Variants in PDE1C observed in about 807,000 individuals in gnomAD.
The protein encoded by PDE1C is phosphodiesterase 1C, also known as dual specificity calcium/calmodulin-dependent 3',5'-cyclic nucleotide phosphodiesterase 1C.
PDE1C carries 62 observed loss-of-function variants against 93.1 expected under a neutral mutation model. That is an observed-to-expected ratio of 0.67 (90% confidence interval 0.54 to 0.82). The LOEUF (loss-of-function observed/expected upper bound fraction) is 0.82. Ranked by LOEUF, PDE1C falls within the 40% of genes least tolerant of loss-of-function variation. The probability of loss-of-function intolerance (pLI) is 0.00; values close to 1 mark genes in which losing one functional copy is unlikely to be tolerated. For synonymous variants in PDE1C, 325 were observed against 310.1 expected, an observed-to-expected ratio of 1.05 and a Z score of -0.50; for missense variants, 742 against 884.6, an observed-to-expected ratio of 0.84 and a Z score of 2.04.
intron 3 of PDE1C, among the ~76,000 whole-genome samples, chr7:32,121,102 G>A (rs1799275976): frequency 6.6e-6 from 1 of 152,100 alleles, no homozygotes; most frequent in East Asian, 1.9e-4. Flanking sequence ...ATCAATAGCT[G>A]AATCAATCAA....
At chr7:31,683,609 C>G in the PDE1C span, among the ~76,000 whole-genome samples, 1 of 152,096 alleles carries the variant, frequency 6.6e-6, no homozygotes, top group South Asian at 2.1e-4. Flanking sequence ...AGACAACCAA[C>G]GAGATCCAGC....
At chr7:32,223,118 A>G (rs1806995815) in intron 1 of PDE1C, among the ~76,000 whole-genome samples, 1 of 152,156 alleles carries the variant, frequency 6.6e-6, no homozygotes, top group Non-Finnish European at 1.5e-5. Context: ...TGTTTCTCCT[A>G]GTGTTCAAAT....
chr7:32,327,993 T>C (rs1783438451), intron 1 of PDE1C, among the ~76,000 whole-genome samples: 1 of 152,216 alleles, frequency 6.6e-6, no homozygotes. Context: ...GTGTTATGAA[T>C]AGGCTGCTAT....
the PDE1C span, among the ~76,000 whole-genome samples, chr7:31,637,747 C>G: frequency 1.3e-5 from 2 of 152,144 alleles, no homozygotes; most frequent in African/African-American, 4.8e-5. Flanking sequence ...TTGATTAGAT[C>G]CCATTTGTCA....
chr7:31,876,406 T>C (rs991329833), intron 5 of PDE1C, among the ~76,000 whole-genome samples: 2 of 152,198 alleles, frequency 1.3e-5, no homozygotes, highest in Non-Finnish European at 2.9e-5. Flanking sequence ...TAACAATTCA[T>C]GCACATCACA....
Position 32,150,910 on chromosome 7 carries a change from T to G in PDE1C, c.308+18875A>C, listed in dbSNP as rs558104926. ...CATGCAATGTAACTCTGAGTATTTCTGTTCTATACCTGAGAACTAATGCTG... is the reference window on the plus strand; with the variant it reads ...CATGCAATGTAACTCTGAGTATTTCGGTTCTATACCTGAGAACTAATGCTG... On this transcript the variant is annotated intron_variant, in intron 3 of 18. Transcript: ENST00000396193. 2.6e-5 allele frequency among the ~76,000 whole-genome samples: 4 copies of G among 152,274 alleles called. No homozygotes were observed. The East Asian group carries it at 7.7e-4, about 29-fold the overall frequency.
At chr7:31,737,694 C>CGGGA in the PDE1C span, among the ~76,000 whole-genome samples, 7 of 149,148 alleles carry the variant, frequency 4.7e-5, no homozygotes, top group East Asian at 1.2e-3. Context: ...CCCAGCTACT[C>CGGGA]GGGAGGCCAA....
At chr7:32,025,292 C>T (rs1028498743) in intron 2 of PDE1C, among the ~76,000 whole-genome samples, 1 of 151,996 alleles carries the variant, frequency 6.6e-6, no homozygotes, top group African/African-American at 2.4e-5. Context: ...AGCGAGAGGT[C>T]CAACAGAGAG....
intron 17 of PDE1C, among the ~76,000 whole-genome samples, chr7:31,769,762 A>C (rs896897118): frequency 6.6e-5 from 10 of 151,626 alleles, no homozygotes; most frequent in Non-Finnish European, 1.2e-4. Context: ...GTCACTCTCC[A>C]CTCTCTTTTC....
At chr7:32,046,839 T>C (rs1039867210) in intron 2 of PDE1C, among the ~76,000 whole-genome samples, 11 of 152,302 alleles carry the variant, frequency 7.2e-5, no homozygotes, top group African/African-American at 2.6e-4. Context: ...AAAATGTTCA[T>C]GCTAATGAGG....
intron 1 of PDE1C, among the ~76,000 whole-genome samples, chr7:32,412,166 C>A (rs894530073): frequency 6.6e-6 from 1 of 152,020 alleles, no homozygotes; most frequent in Admixed American, 6.6e-5. Context: ...GAAAGCAGAC[C>A]AAATACGGCT....
intron 1 of PDE1C, among the ~76,000 whole-genome samples, chr7:32,229,570 C>A (rs1463861177): frequency 6.6e-6 from 1 of 152,198 alleles, no homozygotes; most frequent in East Asian, 1.9e-4. Flanking sequence ...TAATTTCAAG[C>A]ATGTTCATAT....
chr7:31,834,058 C>T (rs921905663), intron 11 of PDE1C, among the ~76,000 whole-genome samples: 1 of 152,202 alleles, frequency 6.6e-6, no homozygotes, highest in Non-Finnish European at 1.5e-5. Context: ...CAGCTCAGGC[C>T]ATGGCTTCAG....
At chr7:31,755,885 G>C (rs760978405) in intron 17 of PDE1C, among the ~76,000 whole-genome samples, 30 of 152,168 alleles carry the variant, frequency 2.0e-4, no homozygotes, top group Non-Finnish European at 3.5e-4. Flanking sequence ...TATGAGACAG[G>C]CTTGGCACGG....
chr7:32,186,087 GTTTTT>G (rs10561469), intron 2 of PDE1C, among the ~76,000 whole-genome samples: 11,237 of 128,672 alleles, frequency 0.087, 677 homozygotes, highest in East Asian at 0.33. Context: ...TTGTTTTTTT[GTTTTT>G]TTTTTTTTTT....
intron 16 of PDE1C, among the ~76,000 whole-genome samples, chr7:31,793,691 A>T (rs182614146): frequency 0.021 from 2,867 of 138,966 alleles, 50 homozygotes; most frequent in East Asian, 0.12. Context: ...TTTTTTTTTT[A>T]AATAAGAAGA....
At chr7:31,642,638 T>C in the PDE1C span, 10 of 1,560,406 alleles carry the variant, frequency 6.4e-6, no homozygotes, top group Non-Finnish European at 8.7e-6. Context: ...TATTGCCTCC[T>C]CCACTTCCTG....
intron 1 of PDE1C, among the ~76,000 whole-genome samples, chr7:32,305,316 C>T (rs879489355): frequency 5.3e-5 from 8 of 152,210 alleles, no homozygotes; most frequent in Admixed American, 5.2e-4. Context: ...GGCACAGCTT[C>T]CTCCTGGTTT....
intron 9 of PDE1C, among the ~76,000 whole-genome samples, chr7:31,840,420 CT>C (rs551906891): frequency 6.6e-6 from 1 of 151,724 alleles, no homozygotes; most frequent in Non-Finnish European, 1.5e-5. Context: ...TCTTGGCCTG[CT>C]TTTTTTTAAC....
Sources: gnomAD v4.1 joint callset for allele counts (sites outside exome capture counted in the v4.1 genomes callset) on GRCh38, gnomAD v4.1.1 for gene constraint, MANE v1.5 for transcripts, NCBI Gene and HGNC (gene_info 2026-07-23, HGNC 2026-07-21) for gene names.